Variants in ZNF611 observed in about 807,000 individuals in gnomAD.
ZNF611 encodes zinc finger protein 611.
Under a neutral mutation model 8.9 loss-of-function variants are expected in ZNF611, and 6 were observed. That is an observed-to-expected ratio of 0.68 (90% CI 0.37 to 1.34). The LOEUF is 1.34. ZNF611 is among the 40% of genes most tolerant of loss of function. The pLI is 0.02. For missense variants in ZNF611, 874 were observed against 841.3 expected (o/e 1.04, Z -0.48); for synonymous variants, 262 against 279.7 (o/e 0.94, Z 0.63).
intron 5 of ZNF611, among the ~76,000 whole-genome samples, chr19:52,711,901 G>A (rs1313933125): frequency 6.6e-6 from 1 of 152,088 alleles, no homozygotes; most frequent in Non-Finnish European, 1.5e-5. Flanking sequence ...GTGGACGGCA[G>A]GAAGTAATGG....
Position 52,715,870 on chromosome 19 carries a change from T to C in ZNF611, c.25A>G (p.Lys9Glu). Reference sequence around the variant, plus strand: ...ATGCCTGGCTCCTTTCCTTTCCTCTTCTGAGCTGCTTCCTCACGTAACATG... The same window carrying C: ...ATGCCTGGCTCCTTTCCTTTCCTCTCCTGAGCTGCTTCCTCACGTAACATG... MLREEAAQ[K>E]RKGKEPGMAL... The change falls in exon 4 of 6, where the codon AAG becomes GAG. Residue 9 changes from lysine to glutamate, a missense_variant. Lys to Glu is a moderately conservative substitution (Grantham distance 56, BLOSUM62 1). Coordinates refer to ENST00000652185, the MANE Select transcript of ZNF611 (RefSeq NM_001161499.2). The C allele has an allele frequency of 6.2e-7, 1 of 1,613,404 alleles. No homozygotes were observed. The highest frequency in any genetic ancestry group is 2.2e-5 in the East Asian group (1 of 44,880).
Position 52,717,571 on chromosome 19 carries a change from G to A in ZNF611, c.-19-1658C>T, listed in dbSNP as rs771483297. On this transcript the variant is annotated intron_variant, in intron 3 of 5. Coordinates refer to ENST00000652185, the MANE Select transcript of ZNF611 (RefSeq NM_001161499.2). ...CACAACTGTGCACACACAGCAATAG[G>A]TGTTTAAAACACTGAAAAAGAGGCA... The A allele has an allele frequency of 5.8e-5, 27 of 469,040 alleles. 1 individual carries two copies. Among genetic ancestry groups the A allele is most frequent in the Admixed American group, 1.9e-4 (3 of 15,650 alleles). 29.1% of individuals were successfully genotyped at this position (469,040 alleles called of 1,614,324 possible).
At chr19:52,714,381 C>T (rs1458465011) in intron 4 of ZNF611, among the ~76,000 whole-genome samples, 1 of 151,780 alleles carries the variant, frequency 6.6e-6, no homozygotes, top group Non-Finnish European at 1.5e-5. Flanking sequence ...AATATAAAAA[C>T]TATAAAAATA....
chr19:52,724,520 C>T (rs1421414074), intron 3 of ZNF611: 1 of 152,276 alleles, frequency 6.6e-6, no homozygotes, highest in Non-Finnish European at 1.5e-5. Context: ...GACACAGTAA[C>T]AGTCTGATCT....
chr19:52,709,232 ATTTTTTCTTTCT>A (rs767338997), intron 5 of ZNF611, among the ~76,000 whole-genome samples: 2 of 151,712 alleles, frequency 1.3e-5, no homozygotes, highest in Non-Finnish European at 2.9e-5. Context: ...TTTTAATTGT[ATTTTTTCTTTCT>A]TTTTTTCTTT....
At chr19:52,734,521 G>A (rs917505996) in intron 1 of ZNF611, among the ~76,000 whole-genome samples, 2 of 100,880 alleles carry the variant, frequency 2.0e-5, no homozygotes, top group African/African-American at 8.3e-5. Context: ...CCGGCATGAG[G>A]AGGAAGGTGC....
chr19:52,709,476 T>C (rs1329588412), intron 5 of ZNF611, among the ~76,000 whole-genome samples: 1 of 152,160 alleles, frequency 6.6e-6, no homozygotes. Context: ...TTTCACCATG[T>C]TGGCCAGGAT....
rs559452502 is a variant in ZNF611, at chr19:52,731,415, G to A, written c.-221-1410C>T. 2.0e-5 allele frequency among the ~76,000 whole-genome samples: 3 copies of A among 152,028 alleles called. No individual in the cohort carries two copies. In the East Asian group the frequency reaches 5.8e-4, roughly 30 times the overall value. ...AGACGGACTCTAGCTCTGTTGCCCAGGCTGGCATGCAGTGGCGCAATCTCG... is the reference window on the plus strand; with the variant it reads ...AGACGGACTCTAGCTCTGTTGCCCAAGCTGGCATGCAGTGGCGCAATCTCG... On this transcript the variant is annotated intron_variant, in intron 1 of 5. Coordinates refer to ENST00000652185, the MANE Select transcript of ZNF611 (RefSeq NM_001161499.2).
chr19:52,734,381 C>T (rs904603987), intron 1 of ZNF611, among the ~76,000 whole-genome samples: 1 of 152,126 alleles, frequency 6.6e-6, no homozygotes, highest in Non-Finnish European at 1.5e-5. Context: ...CCCGGAGGAG[C>T]GCATTTTCCA....
intron 3 of ZNF611, among the ~76,000 whole-genome samples, chr19:52,719,909 C>T (rs1232851756): frequency 1.3e-5 from 2 of 152,150 alleles, no homozygotes; most frequent in Non-Finnish European, 2.9e-5. Flanking sequence ...GGCAGAGGTC[C>T]CTGCGGCCTT....
chr19:52,706,353 A>T lies in ZNF611; in HGVS notation c.702T>A (p.Asn234Lys). The change falls in exon 6 of 6, where the codon AAT (asparagine) becomes AAA (lysine). Residue 234 changes from asparagine to lysine, a missense_variant. Asn to Lys is a moderately conservative substitution (Grantham distance 94). Coordinates refer to ENST00000652185, the MANE Select transcript of ZNF611 (RefSeq NM_001161499.2). ...TACAATTAAAGGCTTTGCCACTCTTATTACATTGGAAAGATTTTTCTCTCA... is the reference window on the plus strand; with the variant it reads ...TACAATTAAAGGCTTTGCCACTCTTTTTACATTGGAAAGATTTTTCTCTCA... Reference protein sequence around the residue: ...VHMREKSFQCNKSGKAFNCSS... With the variant: ...VHMREKSFQCKKSGKAFNCSS... 6.2e-7 allele frequency: 1 copy of T among 1,614,206 alleles called. No homozygotes were observed. Among genetic ancestry groups the T allele is most frequent in the Non-Finnish European group, 8.5e-7 (1 of 1,180,048 alleles).
intron 1 of ZNF611, among the ~76,000 whole-genome samples, chr19:52,730,803 C>T (rs1383931301): frequency 2.6e-5 from 4 of 152,010 alleles, no homozygotes; most frequent in African/African-American, 9.7e-5. Flanking sequence ...AGGCTGGTCT[C>T]GAACCACCTA....
rs1258595880 is a variant in ZNF611 at position 52,714,005 on chromosome 19, T to C, written c.190+10A>G. Reference sequence around the variant, plus strand: ...CAGACTCCTCATGTCTGCAGGGACATTTTCCTCACCCACAGCCTCCAGGTT... The same window carrying C: ...CAGACTCCTCATGTCTGCAGGGACACTTTCCTCACCCACAGCCTCCAGGTT... On this transcript the variant is annotated intron_variant, in intron 5 of 5. Coordinates refer to ENST00000652185, the MANE Select transcript of ZNF611 (RefSeq NM_001161499.2). 1 of 1,613,824 alleles carries C rather than the reference T, an allele frequency of 6.2e-7. No homozygotes were observed. Among genetic ancestry groups the C allele is most frequent in the East Asian group, 2.2e-5 (1 of 44,850 alleles).
rs143072174 is a variant in ZNF611 at position 52,705,300 on chromosome 19, A to C, written c.1755T>G (p.His585Gln). Residue 585 changes from histidine to glutamine, a missense_variant, in exon 6 of 6, where the codon CAT (histidine) becomes CAG (glutamine). Coordinates refer to ENST00000652185, the MANE Select transcript of ZNF611 (RefSeq NM_001161499.2). ...AAGGTTTCTCACCACTATGAACTCT[A>C]TGATGGCATACAAGGTATGACCTGT... ...FSHRSYLVCH[H>Q]RVHSGEKPYK... 6.2e-7 allele frequency: 1 copy of C among 1,614,018 alleles called. No homozygotes were observed. The highest frequency in any genetic ancestry group is 1.6e-4 in the Middle Eastern group (1 of 6,084).
rs531598367 is a variant in ZNF611, at chr19:52,714,840, A to T, written c.64-699T>A. Among the ~76,000 whole-genome samples, 120 of 151,826 alleles carry T rather than the reference A, an allele frequency of 7.9e-4. 12 individuals carry two copies. The highest frequency in any genetic ancestry group is 6.8e-3 in the Middle Eastern group (2 of 294). ...TGGCAAAACCATGTCTCTACTAAAA[A>T]TACAAATATTAGCTGGGTGTTGTGG... On this transcript the variant is annotated intron_variant, in intron 4 of 5. Coordinates refer to ENST00000652185, the MANE Select transcript of ZNF611 (RefSeq NM_001161499.2).
Position 52,704,869 on chromosome 19 carries a change from A to G in ZNF611, c.*68T>C. ...CCTTACATTTGTAAGCTTTCTCTCCAGTATAAATTCTCCTATGTCTTTAAG... is the reference window on the plus strand; with the variant it reads ...CCTTACATTTGTAAGCTTTCTCTCCGGTATAAATTCTCCTATGTCTTTAAG... On this transcript the variant is annotated 3_prime_UTR_variant, in exon 6 of 6. Transcript: ENST00000652185. 7 of 1,608,504 alleles carry G rather than the reference A, an allele frequency of 4.4e-6. No homozygotes were observed. The highest frequency in any genetic ancestry group is 5.9e-6 in the Non-Finnish European group (7 of 1,177,102).
intron 3 of ZNF611, among the ~76,000 whole-genome samples, chr19:52,725,972 G>T (rs1217469960): frequency 1.3e-5 from 2 of 152,252 alleles, no homozygotes; most frequent in Admixed American, 1.3e-4. Flanking sequence ...GGCCAGGAAG[G>T]CTGAGGCATG....
intron 3 of ZNF611, among the ~76,000 whole-genome samples, chr19:52,720,745 G>T (rs1390132236): frequency 6.6e-6 from 1 of 151,532 alleles, no homozygotes; most frequent in Non-Finnish European, 1.5e-5. Context: ...CCCAGACGGG[G>T]TGGCCAGGCA....
At chr19:52,733,078 T>C (rs7247272) in intron 1 of ZNF611, among the ~76,000 whole-genome samples, 50,061 of 152,058 alleles carry the variant, frequency 0.33, 8,296 homozygotes, top group East Asian at 0.42. Context: ...CACAACTGAA[T>C]AAGTGACTGC....
Sources: gnomAD v4.1 joint callset for allele counts (sites outside exome capture counted in the v4.1 genomes callset) on GRCh38, gnomAD v4.1.1 for gene constraint, MANE v1.5 for transcripts, NCBI Gene and HGNC (gene_info 2026-07-23, HGNC 2026-07-21) for gene names.